The following ADGB variants were observed in gnomAD, a reference collection of about 807,000 sequenced individuals.
The protein encoded by ADGB is androglobin, also known as calpain-7-like protein.
Under a neutral mutation model 210.5 loss-of-function variants are expected in ADGB, and 172 were observed. The observed-to-expected ratio is 0.82, with a 90% CI of 0.72 to 0.93. ADGB has a LOEUF of 0.93. Ranked by LOEUF, ADGB falls within the 40% of genes least tolerant of loss-of-function variation. ADGB has a pLI of 0.00. For missense variants in ADGB, 2,025 were observed against 1,964.8 expected, an observed-to-expected ratio of 1.03 and a Z score of -0.58; for synonymous variants, 658 against 662.7, an observed-to-expected ratio of 0.99 and a Z score of 0.11.
chr6:146,803,141 A>G, intron 35 of ADGB: 2 of 1,485,348 alleles, frequency 1.3e-6, no homozygotes, highest in South Asian at 2.3e-5. Context: ...CAACGCCAAG[A>G]TCTTCTATCC....
At chr6:146,793,955 T>C (rs1250552547) in intron 33 of ADGB, among the ~76,000 whole-genome samples, 1 of 152,210 alleles carries the variant, frequency 6.6e-6, no homozygotes, top group African/African-American at 2.4e-5. Flanking sequence ...TGTTATTTCT[T>C]GCAAACTGTC....
intron 33 of ADGB, among the ~76,000 whole-genome samples, chr6:146,789,750 T>C (rs116173969): frequency 0.011 from 1,653 of 152,288 alleles, 28 homozygotes; most frequent in African/African-American, 0.038. Flanking sequence ...TCCACTCTTA[T>C]CTCACTTGAG....
intron 9 of ADGB, among the ~76,000 whole-genome samples, chr6:146,679,843 A>G (rs990337001): frequency 7.2e-5 from 11 of 152,224 alleles, no homozygotes; most frequent in African/African-American, 2.7e-4. Flanking sequence ...ATAAGAATGA[A>G]TAAATCATAC....
chr6:146,733,256 G>T lies in ADGB; in HGVS notation c.2656+1G>T. The T allele has an allele frequency of 1.3e-6, 2 of 1,504,540 alleles. No homozygotes were observed. The highest frequency in any genetic ancestry group is 2.5e-5 in the East Asian group (1 of 39,848). 93.2% of individuals were successfully genotyped at this position (1,504,540 alleles called of 1,614,324 possible). On this transcript the variant is annotated splice_donor_variant, in intron 21 of 35. Transcript: ENST00000397944. LOFTEE classifies it high-confidence loss of function. The stretch of plus-strand genomic sequence containing the variant: ...TCCTCCTTGGAAGAGGTTTCTTTAG[G>T]TACCCATGAATTGTATATATTTAAT...
At chr6:146,642,536 A>G (rs144612825) in intron 2 of ADGB, among the ~76,000 whole-genome samples, 33 of 152,182 alleles carry the variant, frequency 2.2e-4, no homozygotes, top group African/African-American at 7.9e-4. Flanking sequence ...CATATACACT[A>G]TGGATACATA....
At chr6:146,708,632 C>T (rs1009759397) in intron 13 of ADGB, among the ~76,000 whole-genome samples, 5 of 152,022 alleles carry the variant, frequency 3.3e-5, no homozygotes, top group African/African-American at 1.2e-4. Flanking sequence ...TTTCAGAATC[C>T]TCTCTTTGTC....
chr6:146,616,274 T>C (rs964131735), intron 1 of ADGB, among the ~76,000 whole-genome samples: 1 of 151,574 alleles, frequency 6.6e-6, no homozygotes, highest in African/African-American at 2.4e-5. Context: ...TTGGGTTTTT[T>C]TTTTTTTGCT....
chr6:146,749,292 G>A (rs918298512), intron 26 of ADGB, among the ~76,000 whole-genome samples: 1 of 152,082 alleles, frequency 6.6e-6, no homozygotes, highest in East Asian at 1.9e-4. Flanking sequence ...TACTGCATAG[G>A]TAGTTCCACT....
At chr6:146,715,737 C>A (rs1379854767) in intron 14 of ADGB, among the ~76,000 whole-genome samples, 1 of 152,026 alleles carries the variant, frequency 6.6e-6, no homozygotes, top group East Asian at 1.9e-4. Flanking sequence ...GAATTGAATT[C>A]AAAATTATAT....
At chr6:146,750,932 A>G (rs563683226) in intron 26 of ADGB, among the ~76,000 whole-genome samples, 2 of 152,064 alleles carry the variant, frequency 1.3e-5, no homozygotes, top group Non-Finnish European at 2.9e-5. Context: ...ATCTATTAAG[A>G]GGTTTGGTGG....
intron 27 of ADGB, 54 bp downstream of exon 27, chr6:146,752,768 T>C: frequency 2.1e-6 from 3 of 1,399,654 alleles, no homozygotes; most frequent in Middle Eastern, 1.9e-4. Context: ...ATATTTATGT[T>C]TTCATGACAC....
At chr6:146,700,077 C>G (rs1386590993) in intron 12 of ADGB, among the ~76,000 whole-genome samples, 1 of 152,198 alleles carries the variant, frequency 6.6e-6, no homozygotes, top group African/African-American at 2.4e-5. Flanking sequence ...GGCATTTCAT[C>G]CTACGTGATA....
chr6:146,714,322 T>A (rs904069527), intron 13 of ADGB, among the ~76,000 whole-genome samples: 1 of 152,086 alleles, frequency 6.6e-6, no homozygotes, highest in Non-Finnish European at 1.5e-5. Context: ...CTTGTTTTTT[T>A]TTTTTTCCCC....
intron 25 of ADGB, among the ~76,000 whole-genome samples, chr6:146,744,283 T>C (rs1777197785): frequency 6.6e-6 from 1 of 152,186 alleles, no homozygotes; most frequent in African/African-American, 2.4e-5. Flanking sequence ...AGCAGTTGTA[T>C]AACTTAGCAA....
chr6:146,608,247 C>A (rs149700568), intron 1 of ADGB, among the ~76,000 whole-genome samples: 52 of 151,592 alleles, frequency 3.4e-4, no homozygotes, highest in African/African-American at 1.2e-3. Context: ...GCAGAGCCAG[C>A]GGTAGTGTGT....
At chr6:146,652,432 A>G (rs1775715763) in intron 3 of ADGB, among the ~76,000 whole-genome samples, 1 of 152,040 alleles carries the variant, frequency 6.6e-6, no homozygotes, top group Non-Finnish European at 1.5e-5. Flanking sequence ...TTTTTTATTG[A>G]CTTTTCAAGA....
At chr6:146,661,546 G>A (rs1562267802) in intron 5 of ADGB, among the ~76,000 whole-genome samples, 1 of 151,764 alleles carries the variant, frequency 6.6e-6, no homozygotes, top group Non-Finnish European at 1.5e-5. Flanking sequence ...AACATTTCCT[G>A]TGTATATATT....
chr6:146,669,081 G>A (rs888323979), intron 7 of ADGB, among the ~76,000 whole-genome samples: 2 of 152,078 alleles, frequency 1.3e-5, no homozygotes, highest in South Asian at 2.1e-4. Context: ...ATTCAGAAAG[G>A]TCTGTTCCTA....
intron 30 of ADGB, among the ~76,000 whole-genome samples, chr6:146,783,533 A>C (rs886896050): frequency 2.0e-5 from 3 of 152,198 alleles, no homozygotes; most frequent in Non-Finnish European, 4.4e-5. Flanking sequence ...TTAAAAAATA[A>C]TAAAAGCTAA....
Sources: allele counts gnomAD v4.1 joint callset (sites outside exome capture counted in the v4.1 genomes callset), GRCh38; gene constraint gnomAD v4.1.1; transcripts MANE v1.5; gene names NCBI Gene and HGNC (gene_info 2026-07-23, HGNC 2026-07-21).